CAT: variants seen among roughly 807,000 people sequenced by gnomAD.
CAT encodes epididymis secretory sperm binding protein.
Under a neutral mutation model 59.0 loss-of-function variants are expected in CAT, and 43 were observed. That is an observed-to-expected ratio of 0.73 (90% CI 0.57 to 0.94). The LOEUF is 0.94. CAT is among the 40% of genes least tolerant of loss of function. The pLI, the probability that CAT is intolerant of heterozygous loss-of-function variation, is 0.00. For missense variants in CAT, 664 were observed against 682.9 expected (o/e 0.97, Z 0.31); for synonymous variants, 218 against 230.9 (o/e 0.94, Z 0.51).
At chr11:34,470,117 A>G (rs1388236311) in intron 11 of CAT, among the ~76,000 whole-genome samples, 1 of 152,186 alleles carries the variant, frequency 6.6e-6, no homozygotes. Flanking sequence ...ACTTTAGATA[A>G]CAAATGAGGT....
At chr11:34,464,071 T>C (rs1401149869) in intron 9 of CAT, 34 bp from the exon 10 acceptor site, 1 of 1,613,536 alleles carries the variant, frequency 6.2e-7, no homozygotes, top group Non-Finnish European at 8.5e-7. Context: ...ACTTTTCTTA[T>C]TCCTAAGTGC....
intron 9 of CAT, 53 bp downstream of exon 9, chr11:34,461,442 A>G (rs1856650656): frequency 1.2e-6 from 2 of 1,607,126 alleles, no homozygotes; most frequent in Non-Finnish European, 1.7e-6. Context: ...CACGTGGAGC[A>G]GATGGGCGGG....
chr11:34,457,003 G>A (rs1245816042), intron 8 of CAT, 186 bp downstream of exon 8: 1 of 629,580 alleles, frequency 1.6e-6, no homozygotes, highest in Non-Finnish European at 2.8e-6. Flanking sequence ...CATTCCTTGA[G>A]TAAACCAAGT....
intron 6 of CAT, among the ~76,000 whole-genome samples, chr11:34,454,854 T>G (rs887024158): frequency 2.0e-5 from 3 of 152,198 alleles, no homozygotes; most frequent in African/African-American, 4.8e-5. Context: ...ATTTCTACTC[T>G]CCTAGATAAT....
rs1856549835 is a variant in CAT, at chr11:34,453,197, A to G, written c.585+3A>G. 6.4e-7 allele frequency: 1 copy of G among 1,570,022 alleles called. No individual in the cohort carries two copies. The highest frequency in any genetic ancestry group is 8.8e-7 in the Non-Finnish European group (1 of 1,139,888). On this transcript the variant is annotated splice_donor_region_variant and intron_variant, in intron 5 of 12. Transcript: ENST00000241052. ...TACGTCCTGAGTCTCTGCATCAGGT[A>G]TGAACCCTTTTTTGCCATTGTATTA... is the stretch of plus-strand genomic sequence containing the variant.
intron 1 of CAT, among the ~76,000 whole-genome samples, chr11:34,446,867 G>A (rs1427119395): frequency 6.6e-6 from 1 of 151,470 alleles, no homozygotes; most frequent in African/African-American, 2.4e-5. Context: ...TCAGCCTCCC[G>A]AGTAGCTGGG....
intron 8 of CAT, among the ~76,000 whole-genome samples, chr11:34,460,446 CTTTTTTTTTT>C (rs149180752): frequency 1.2e-5 from 1 of 84,534 alleles, no homozygotes; most frequent in Non-Finnish European, 2.2e-5. Context: ...GTGGGCGGTA[CTTTTTTTTTT>C]TTTTTTTTTT....
rs745733562 is a variant in CAT, at chr11:34,439,095, C to G, written c.66+16C>G. The G allele has an allele frequency of 1.0e-4, 158 of 1,569,266 alleles. No homozygotes were observed. The highest frequency in any genetic ancestry group is 1.3e-4 in the Non-Finnish European group (145 of 1,156,948). ...GGCCGCGCAGGTACACTCTGTGCTC[C>G]CCGAGCGGGCCCGAAGGTCCGTTTA... On this transcript the variant is annotated intron_variant, in intron 1 of 12. Transcript: ENST00000241052.
At position 34,461,252 on chromosome 11, in the gene CAT, G is replaced by A. The variant is rs761751537; in HGVS notation, c.1058G>A (p.Gly353Asp). 1 of 1,614,116 alleles carries A rather than the reference G, an allele frequency of 6.2e-7. No individual in the cohort carries two copies. Among genetic ancestry groups the A allele is most frequent in the Non-Finnish European group, 8.5e-7 (1 of 1,179,976 alleles). The change falls in exon 9 of 13, where the codon GGC (glycine) becomes GAC (aspartate). Residue 353 changes from glycine to aspartate, a missense_variant and splice_region_variant. By Grantham distance (94) the Gly-to-Asp change is moderately conservative. Transcript: ENST00000241052. The stretch of plus-strand genomic sequence containing the variant: ...TGTCTATTGTATTTATTACTGCAGG[G>A]CCGCCTTTTTGCCTATCCTGACACT... ...IEASPDKMLQ[G>D]RLFAYPDTHR...
At chr11:34,452,339 C>A in intron 4 of CAT, 132 bp downstream of exon 4, 1 of 784,876 alleles carries the variant, frequency 1.3e-6, no homozygotes, top group South Asian at 1.5e-5. Context: ...CTACTTTTTT[C>A]AACACATTTT....
chr11:34,464,191 G>T lies in CAT; in HGVS notation c.1282G>T (p.Glu428Ter), dbSNP rs1015174215. 9.9e-6 allele frequency: 16 copies of T among 1,613,948 alleles called. No homozygotes were observed. The highest frequency in any genetic ancestry group is 5.0e-5 in the Admixed American group (3 of 59,994). The change falls in exon 10 of 13, where the codon GAA becomes TAA. Residue 428 changes from glutamate (E) to a stop codon, truncating the protein, a stop_gained. Transcript: ENST00000241052. LOFTEE classifies it high-confidence loss of function. ...GGAGCACAGCATCCAATATTCTGGA[G>T]AAGTGCGGAGATTCAACACTGCCAA... ...ALEHSIQYSG[E>*]VRRFNTANDD...
intron 1 of CAT, among the ~76,000 whole-genome samples, chr11:34,440,687 C>G (rs1028223085): frequency 6.6e-6 from 1 of 151,806 alleles, no homozygotes; most frequent in African/African-American, 2.4e-5. Flanking sequence ...CTCAGCCTCC[C>G]GAGTAGCTGG....
At chr11:34,468,140 A>T in intron 10 of CAT, 148 bp from the exon 11 acceptor site, 1 of 692,134 alleles carries the variant, frequency 1.4e-6, no homozygotes, top group Non-Finnish European at 2.6e-6. Context: ...ACAAAAAGTG[A>T]AGGACACAAC....
intron 10 of CAT, among the ~76,000 whole-genome samples, chr11:34,466,713 G>A (rs1476547319): frequency 1.5e-4 from 22 of 147,704 alleles, no homozygotes; most frequent in Middle Eastern, 3.5e-3. Flanking sequence ...CCCGGGAGGC[G>A]GAGCTTGCAG....
intron 1 of CAT, among the ~76,000 whole-genome samples, chr11:34,448,061 A>T (rs947830377): frequency 6.6e-6 from 1 of 152,178 alleles, no homozygotes; most frequent in Non-Finnish European, 1.5e-5. Flanking sequence ...TCCTTTATTC[A>T]ATATCTTTTT....
At chr11:34,439,242 C>T (rs1008184375) in intron 1 of CAT, among the ~76,000 whole-genome samples, 163 bp downstream of exon 1, 2 of 152,112 alleles carry the variant, frequency 1.3e-5, no homozygotes, top group African/African-American at 4.8e-5. Flanking sequence ...TTACATTCGC[C>T]GAAGCAGGGG....
intron 1 of CAT, among the ~76,000 whole-genome samples, chr11:34,447,725 A>G (rs1411551488): frequency 6.6e-6 from 1 of 152,260 alleles, no homozygotes; most frequent in African/African-American, 2.4e-5. Context: ...TCTCACAGCC[A>G]GTGAAGTGAC....
chr11:34,456,185 C>G lies in CAT; in HGVS notation c.886C>G (p.Pro296Ala), dbSNP rs1382569787. 2 of 1,613,372 alleles carry G rather than the reference C, an allele frequency of 1.2e-6. No homozygotes were observed. Among genetic ancestry groups the G allele is most frequent in the Non-Finnish European group, 1.7e-6 (2 of 1,179,568 alleles). Residue 296 changes from proline to alanine, a missense_variant, in exon 7 of 13, where the codon CCA becomes GCA. Physicochemically the swap from Pro to Ala is conservative, Grantham distance 27 (BLOSUM62 -1). Transcript: ENST00000241052. ...FNQAETFPFNPFDLTKVWPHK... is the reference protein window; with the variant it reads ...FNQAETFPFNAFDLTKVWPHK... ...TCAGGCAGAAACTTTTCCATTTAAT[C>G]CATTCGATCTCACCAAGGTGAGTCA...
At chr11:34,442,549 C>T (rs768159789) in intron 1 of CAT, among the ~76,000 whole-genome samples, 14 of 152,158 alleles carry the variant, frequency 9.2e-5, no homozygotes, top group South Asian at 2.1e-4. Context: ...TGCAGTAAGC[C>T]GAGATCCTGC....
Sources: allele counts gnomAD v4.1 joint callset (sites outside exome capture counted in the v4.1 genomes callset), GRCh38; gene constraint gnomAD v4.1.1; transcripts MANE v1.5; gene names NCBI Gene and HGNC (gene_info 2026-07-23, HGNC 2026-07-21).